NDUFS6: variants seen among roughly 807,000 people sequenced by gnomAD.
NDUFS6 encodes the protein NADH:ubiquinone oxidoreductase subunit S6.
NDUFS6 carries 14 observed loss-of-function variants against 13.2 expected under a neutral mutation model. The ratio of observed to expected loss-of-function variants is 1.06; its 90% CI spans 0.70 to 1.66. The LOEUF (loss-of-function observed/expected upper bound fraction) is 1.66, where lower values mean the gene tolerates loss of function less well. Among genes scored for constraint, NDUFS6 ranks in the 40% most tolerant of loss-of-function variants. The pLI is 0.00. For missense variants in NDUFS6, 206 were observed against 170.8 expected (o/e 1.21, Z -1.15); for synonymous variants, 95 against 72.3 (o/e 1.31, Z -1.60).
intron 3 of NDUFS6, among the ~76,000 whole-genome samples, chr5:1,815,185 G>C (rs1308736178): frequency 6.6e-6 from 1 of 152,116 alleles, no homozygotes; most frequent in Non-Finnish European, 1.5e-5. Context: ...AAGAGACCGT[G>C]GGCTGAAGCT....
At chr5:1,812,528 A>C in intron 2 of NDUFS6, among the ~76,000 whole-genome samples, 4 of 139,244 alleles carry the variant, frequency 2.9e-5, no homozygotes, top group Non-Finnish European at 6.4e-5. Context: ...CCCCGGGTTG[A>C]CTCCTCTTTT....
intron 2 of NDUFS6, among the ~76,000 whole-genome samples, chr5:1,808,253 G>A (rs1165689415): frequency 2.0e-5 from 3 of 152,168 alleles, no homozygotes; most frequent in Non-Finnish European, 4.4e-5. Context: ...CGGGCGGTGC[G>A]ATGTGCGCCA....
At chr5:1,815,734 T>G (rs1269225572) in intron 3 of NDUFS6, 117 bp from the exon 4 acceptor site, 11 of 1,031,774 alleles carry the variant, frequency 1.1e-5, no homozygotes, top group Admixed American at 1.9e-5. Flanking sequence ...ACTTCAGTAG[T>G]AACTGCGTAT....
rs1351165227 is a variant in NDUFS6 at position 1,815,761 on chromosome 5, C to CT, written c.310-89dup. 62 of 1,331,330 alleles carry CT rather than the reference C, an allele frequency of 4.7e-5. 1 individual carries two copies. The highest frequency in any genetic ancestry group is 2.8e-4 in the African/African-American group (19 of 68,888). The allele number at this position is 1,331,330 out of a possible 1,614,324, so 82.5% of individuals were successfully genotyped here. ...ACTGCGTATTTTTGTTTCTGACAGT[C>CT]TAAGTTTTATACATACATTTTCAAT... On this transcript the variant is annotated intron_variant, in intron 3 of 3. Coordinates refer to ENST00000274137, the MANE Select transcript of NDUFS6 (RefSeq NM_004553.6).
chr5:1,803,902 G>A (rs963767100), intron 2 of NDUFS6, among the ~76,000 whole-genome samples: 2 of 152,238 alleles, frequency 1.3e-5, no homozygotes, highest in Non-Finnish European at 2.9e-5. Context: ...AGGCCCTTTG[G>A]TTTCTTTTGG....
rs140619622 is a variant in NDUFS6, at chr5:1,801,513, C to A, written c.96C>A (p.Val32=). The change falls in exon 1 of 4, where the codon GTC becomes GTA. Residue 32 remains valine, a synonymous_variant. Transcript: ENST00000274137. ...GCGCCAGGTGTTTCGGGGTGCGGGT[C>A]TCGCCGACCGGGGAGAAGGTCACGC... The part of the protein sequence containing the change: ...PLGARCFGVR[V]SPTGEKVTHT... The A allele has an allele frequency of 5.5e-4, 885 of 1,598,718 alleles. 6 individuals are homozygous for A. The African/African-American group carries it at 9.6e-3, about 17-fold the overall frequency.
chr5:1,810,387 G>A (rs758882707), intron 2 of NDUFS6, among the ~76,000 whole-genome samples: 12 of 152,114 alleles, frequency 7.9e-5, no homozygotes, highest in Non-Finnish European at 1.5e-4. Flanking sequence ...AGATGCCGGC[G>A]CTCTACTTCC....
chr5:1,804,610 C>G (rs1043537112), intron 2 of NDUFS6, among the ~76,000 whole-genome samples: 31 of 152,224 alleles, frequency 2.0e-4, no homozygotes, highest in African/African-American at 7.2e-4. Context: ...CCTGCCCAAG[C>G]TTTCCTTCTT....
intron 3 of NDUFS6, among the ~76,000 whole-genome samples, chr5:1,815,601 T>C (rs1436814871): frequency 6.6e-6 from 1 of 152,126 alleles, no homozygotes; most frequent in Non-Finnish European, 1.5e-5. Context: ...GGGGAGTGAA[T>C]GGAGCTGCAG....
chr5:1,810,202 A>C (rs1278930606), intron 2 of NDUFS6, among the ~76,000 whole-genome samples: 5 of 152,188 alleles, frequency 3.3e-5, no homozygotes, highest in Non-Finnish European at 5.9e-5. Context: ...AAGGAGCACA[A>C]AGTTTCAGGC....
At chr5:1,805,675 A>C (rs752949491) in intron 2 of NDUFS6, among the ~76,000 whole-genome samples, 4 of 152,258 alleles carry the variant, frequency 2.6e-5, no homozygotes, top group Non-Finnish European at 4.4e-5. Flanking sequence ...TCTGCTGTTG[A>C]TGGAAATATT....
chr5:1,807,101 A>C (rs1277535539), intron 2 of NDUFS6, among the ~76,000 whole-genome samples: 1 of 152,200 alleles, frequency 6.6e-6, no homozygotes, highest in Non-Finnish European at 1.5e-5. Context: ...CGCTTCTTAG[A>C]AGTACTGTAT....
At chr5:1,811,520 C>G (rs1734219421) in intron 2 of NDUFS6, among the ~76,000 whole-genome samples, 1 of 152,218 alleles carries the variant, frequency 6.6e-6, no homozygotes, top group Non-Finnish European at 1.5e-5. Context: ...AGGTAAGTTC[C>G]TACATGCAGC....
chr5:1,801,849 G>A (rs1471815715), intron 1 of NDUFS6, among the ~76,000 whole-genome samples: 1 of 152,236 alleles, frequency 6.6e-6, no homozygotes, highest in East Asian at 1.9e-4. Flanking sequence ...CGATTATTTG[G>A]GTCAGAACGT....
At position 1,801,507 on chromosome 5, in the gene NDUFS6, G is replaced by C; in HGVS notation, c.90G>C (p.Val30=). 1.9e-6 allele frequency: 3 copies of C among 1,600,226 alleles called. No homozygotes were observed. The highest frequency in any genetic ancestry group is 2.5e-6 in the Non-Finnish European group (3 of 1,178,430). ...CCCTGGGCGCCAGGTGTTTCGGGGT[G>C]CGGGTCTCGCCGACCGGGGAGAAGG... ...SLPLGARCFG[V]RVSPTGEKVT... is the part of the protein sequence containing the mutation. Residue 30 remains valine (V), a synonymous_variant, in exon 1 of 4, where the codon GTG becomes GTC. Transcript: ENST00000274137.
chr5:1,814,370 C>T lies in NDUFS6; in HGVS notation c.218C>T (p.Ala73Val), dbSNP rs762746987. The change falls in exon 3 of 4, where the codon GCA becomes GTA. Residue 73 changes from alanine to valine, a missense_variant. Ala to Val is a moderately conservative substitution (Grantham distance 64). Coordinates refer to ENST00000274137, the MANE Select transcript of NDUFS6 (RefSeq NM_004553.6). This position sits in a 1 kb window ranked among gnomAD's most constrained non-coding sequence, Gnocchi z 4.9. The part of the protein sequence containing the change: ...VNENFAIDLI[A>V]EQPVSEVETR... ...GAAAACTTTGCCATTGATTTGATAG[C>T]AGAGCAGCCCGTGAGCGAGGTGGAG... 1 of 1,614,200 alleles carries T rather than the reference C, an allele frequency of 6.2e-7. No homozygotes were observed. Among genetic ancestry groups the T allele is most frequent in the African/African-American group, 1.3e-5 (1 of 75,040 alleles).
intron 2 of NDUFS6, among the ~76,000 whole-genome samples, chr5:1,812,764 G>A (rs1159162303): frequency 1.3e-5 from 2 of 151,774 alleles, no homozygotes; most frequent in South Asian, 2.1e-4. Context: ...TAGAAAGGGT[G>A]TGTGTAGGCC....
intron 2 of NDUFS6, among the ~76,000 whole-genome samples, chr5:1,808,879 C>T (rs957277508): frequency 6.6e-6 from 1 of 152,176 alleles, no homozygotes; most frequent in Non-Finnish European, 1.5e-5. Flanking sequence ...TTCAGAATGC[C>T]TGATGTTCTA....
intron 2 of NDUFS6, among the ~76,000 whole-genome samples, chr5:1,809,779 G>A (rs1233987642): frequency 6.6e-6 from 1 of 152,214 alleles, no homozygotes; most frequent in South Asian, 2.1e-4. Flanking sequence ...CCTGCAGCAG[G>A]GGTGAGCAGA....
Sources: gnomAD v4.1 joint callset for allele counts (sites outside exome capture counted in the v4.1 genomes callset) on GRCh38, gnomAD v4.1.1 for gene constraint, Gnocchi (gnomAD v3.1) non-coding constraint, MANE v1.5 for transcripts, NCBI Gene and HGNC (gene_info 2026-07-23, HGNC 2026-07-21) for gene names.